UBAC2: variants seen among roughly 807,000 people sequenced by gnomAD.
The protein encoded by UBAC2 is UBA domain containing 2.
A neutral mutation model predicts 44.0 loss-of-function variants in UBAC2; 26 were observed. That is an observed-to-expected ratio of 0.59 (90% confidence interval 0.43 to 0.82). The LOEUF (loss-of-function observed/expected upper bound fraction) is 0.82, where lower values mean the gene tolerates loss of function less well. UBAC2 is among the 40% of genes least tolerant of loss of function. The probability of loss-of-function intolerance (pLI) is 0.00; values close to 1 mark genes in which losing one functional copy is unlikely to be tolerated. For missense variants in UBAC2, 329 were observed against 419.4 expected (o/e 0.78, Z 1.88); for synonymous variants, 155 against 154.3 (o/e 1.00, Z -0.04).
intron 7 of UBAC2, 81 bp from the exon 8 acceptor site, chr13:99,367,706 G>C: frequency 1.3e-6 from 2 of 1,570,068 alleles, no homozygotes; most frequent in South Asian, 2.2e-5. Context: ...AGATGTAACT[G>C]CATTGAGAGA....
intron 1 of UBAC2, among the ~76,000 whole-genome samples, chr13:99,232,420 A>ATATATATATATATATATATATT (rs1438082766): frequency 4.2e-5 from 6 of 142,620 alleles, no homozygotes; most frequent in African/African-American, 1.0e-4. Flanking sequence ...ATATATATAT[A>ATATATATATATATATATATATT]TTCACACACA....
chr13:99,275,322 A>G (rs575145291), intron 4 of UBAC2, among the ~76,000 whole-genome samples: 22 of 152,270 alleles, frequency 1.4e-4, no homozygotes, highest in Non-Finnish European at 2.4e-4. Flanking sequence ...CTCCTGACAT[A>G]GCAGCTATTA....
intron 4 of UBAC2, among the ~76,000 whole-genome samples, chr13:99,293,960 G>T (rs1412190766): frequency 6.6e-6 from 1 of 152,024 alleles, no homozygotes; most frequent in African/African-American, 2.4e-5. Context: ...TACTGCATTG[G>T]GGTAGTTTTG....
chr13:99,276,003 A>G (rs1465079130), intron 4 of UBAC2, among the ~76,000 whole-genome samples: 1 of 152,166 alleles, frequency 6.6e-6, no homozygotes, highest in Non-Finnish European at 1.5e-5. Context: ...ACATTTACTA[A>G]TAAACCTTGA....
chr13:99,274,479 C>T (rs2043857672), intron 4 of UBAC2, among the ~76,000 whole-genome samples: 1 of 150,402 alleles, frequency 6.6e-6, no homozygotes, highest in Non-Finnish European at 1.5e-5. Context: ...TGCACTCCAC[C>T]AGGACTGGCT....
At chr13:99,229,081 C>T (rs565840690) in intron 1 of UBAC2, among the ~76,000 whole-genome samples, 98 of 152,248 alleles carry the variant, frequency 6.4e-4, no homozygotes, top group African/African-American at 2.1e-3. Context: ...GTGCAAGGGA[C>T]GGTGCTAGGC....
intron 1 of UBAC2, among the ~76,000 whole-genome samples, chr13:99,226,815 C>T (rs1052464380): frequency 6.6e-6 from 1 of 152,210 alleles, no homozygotes; most frequent in African/African-American, 2.4e-5. Context: ...CAGAATCACC[C>T]TTCCCTCAGA....
intron 1 of UBAC2, among the ~76,000 whole-genome samples, chr13:99,235,269 A>G (rs1299495728): frequency 6.6e-6 from 1 of 152,234 alleles, no homozygotes; most frequent in Non-Finnish European, 1.5e-5. Flanking sequence ...ACACTGATGA[A>G]AGAACTTGAA....
intron 8 of UBAC2, among the ~76,000 whole-genome samples, chr13:99,373,176 T>A (rs560865498): frequency 6.8e-6 from 1 of 146,936 alleles, no homozygotes; most frequent in Non-Finnish European, 1.5e-5. Context: ...TTATTGTTTT[T>A]TTTTTTTTTT....
intron 6 of UBAC2, among the ~76,000 whole-genome samples, chr13:99,335,032 A>G (rs1437917465): frequency 6.6e-6 from 1 of 152,240 alleles, no homozygotes; most frequent in Non-Finnish European, 1.5e-5. Flanking sequence ...ACACAGCAGA[A>G]TGCTTTGTTA....
chr13:99,376,538 G>A (rs1436536408), intron 8 of UBAC2, among the ~76,000 whole-genome samples: 2 of 152,228 alleles, frequency 1.3e-5, no homozygotes, highest in Non-Finnish European at 2.9e-5. Flanking sequence ...TGTCCTCTGA[G>A]TAGCCTTATC....
At chr13:99,208,170 T>G (rs961931974) in intron 1 of UBAC2, among the ~76,000 whole-genome samples, 1 of 152,088 alleles carries the variant, frequency 6.6e-6, no homozygotes, top group Non-Finnish European at 1.5e-5. Context: ...GCTAATTTTG[T>G]ATTTTTAGTA....
chr13:99,216,468 C>T (rs747441881), intron 1 of UBAC2, among the ~76,000 whole-genome samples: 7 of 151,970 alleles, frequency 4.6e-5, no homozygotes, highest in South Asian at 2.1e-4. Flanking sequence ...TTCCATTTAC[C>T]GTAGTGATAT....
At chr13:99,376,259 A>G (rs1039888665) in intron 8 of UBAC2, among the ~76,000 whole-genome samples, 2 of 152,226 alleles carry the variant, frequency 1.3e-5, no homozygotes, top group Middle Eastern at 3.4e-3. Context: ...TATTTCTGTC[A>G]TGCTCCCCTG....
At chr13:99,383,716 A>G (rs917774670) in intron 8 of UBAC2, among the ~76,000 whole-genome samples, 1 of 152,050 alleles carries the variant, frequency 6.6e-6, no homozygotes, top group Non-Finnish European at 1.5e-5. Flanking sequence ...GTCCTCACCC[A>G]CTGAGTGGTC....
intron 6 of UBAC2, among the ~76,000 whole-genome samples, chr13:99,332,900 CAG>C (rs1323770734): frequency 4.5e-4 from 68 of 152,106 alleles, no homozygotes; most frequent in African/African-American, 1.5e-3. Flanking sequence ...GCCTGCTTTT[CAG>C]AGGGTCTATG....
rs186389014 is a variant in UBAC2 at position 99,320,542 on chromosome 13, A to C, written c.561+2473A>C. Among the ~76,000 whole-genome samples, 6 of 152,322 alleles carry C rather than the reference A, an allele frequency of 3.9e-5. No homozygotes were observed. The East Asian group carries it at 1.2e-3, about 29-fold the overall frequency. On this transcript the variant is annotated intron_variant, in intron 6 of 8. Transcript: ENST00000403766. The stretch of plus-strand genomic sequence containing the variant: ...ATGACAAAAAATCTGATAAATCTTC[A>C]TATTAACCTTGTTCTTTATTACTAT...
intron 6 of UBAC2, among the ~76,000 whole-genome samples, chr13:99,334,713 A>G (rs1298706141): frequency 6.6e-6 from 1 of 152,220 alleles, no homozygotes; most frequent in Non-Finnish European, 1.5e-5. Context: ...AACGTAGGAA[A>G]GGGGGAGTAA....
intron 7 of UBAC2, among the ~76,000 whole-genome samples, chr13:99,364,597 G>T (rs1216430082): frequency 6.6e-6 from 1 of 152,056 alleles, no homozygotes; most frequent in Non-Finnish European, 1.5e-5. Flanking sequence ...AGTCATTAAA[G>T]ATTTCATACA....
Sources: gnomAD v4.1 joint callset for allele counts (sites outside exome capture counted in the v4.1 genomes callset) on GRCh38, gnomAD v4.1.1 for gene constraint, MANE v1.5 for transcripts, NCBI Gene and HGNC (gene_info 2026-07-23, HGNC 2026-07-21) for gene names.